The following PRKDC variants were observed in gnomAD, a reference collection of about 807,000 sequenced individuals.
PRKDC encodes the protein DNA-dependent protein kinase catalytic subunit.
PRKDC carries 82 observed loss-of-function variants against 486.9 expected under a neutral mutation model. That is an observed-to-expected ratio of 0.17 (90% CI 0.14 to 0.20). The LOEUF is 0.20. PRKDC is among the 10% of genes least tolerant of loss of function. PRKDC has a pLI of 1.00. For synonymous variants in PRKDC, 1,895 were observed against 1,837.0 expected, an observed-to-expected ratio of 1.03 and a Z score of -0.81; for missense variants, 4,504 against 5,038.2, an observed-to-expected ratio of 0.89 and a Z score of 3.21.
chr8:47,800,525 G>C (rs1034342777), intron 71 of PRKDC, among the ~76,000 whole-genome samples: 2 of 151,926 alleles, frequency 1.3e-5, no homozygotes, highest in East Asian at 3.9e-4. Flanking sequence ...GAGTTAATGG[G>C]TGCAGCACAC....
chr8:47,858,971 T>C lies in PRKDC; in HGVS notation c.6223A>G (p.Thr2075Ala), dbSNP rs1440555358. Residue 2075 changes from threonine (T) to alanine (A), a missense_variant, in exon 47 of 86, where the codon ACG becomes GCG. By Grantham distance (58) the Thr-to-Ala change is moderately conservative. Coordinates refer to ENST00000314191, the MANE Select transcript of PRKDC (RefSeq NM_006904.7). ...RFRRREQRDPTVHDDVLELEM... is the reference protein window; with the variant it reads ...RFRRREQRDPAVHDDVLELEM... ...AGCTCCAGCACATCATCATGCACCG[T>C]GGGGTCCCGCTGCTCCTGCGAAAGG... is the stretch of plus-strand genomic sequence containing the variant. The C allele has an allele frequency of 1.9e-6, 3 of 1,612,976 alleles. No individual in the cohort carries two copies. Among genetic ancestry groups the C allele is most frequent in the African/African-American group, 1.3e-5 (1 of 74,876 alleles).
chr8:47,959,603 C>A (rs893805289), intron 1 of PRKDC, among the ~76,000 whole-genome samples: 2 of 151,710 alleles, frequency 1.3e-5, no homozygotes, highest in African/African-American at 4.8e-5. Context: ...AGCTTGAACC[C>A]GGGAGGCGGA....
rs534406629 is a variant in PRKDC at position 47,941,178 on chromosome 8, T to C, written c.967-1481A>G. On this transcript the variant is annotated intron_variant, in intron 10 of 85. Transcript: ENST00000314191. Reference sequence around the variant, plus strand: ...ACAGCAACAAAAAAAACACATCATATAGATGTCACTGTGAGGAAAATATAT... The same window carrying C: ...ACAGCAACAAAAAAAACACATCATACAGATGTCACTGTGAGGAAAATATAT... Among the ~76,000 whole-genome samples the C allele has an allele frequency of 2.2e-4, 33 of 149,390 alleles. No homozygotes were observed. The South Asian group carries it at 5.1e-3, about 23-fold the overall frequency.
intron 40 of PRKDC, among the ~76,000 whole-genome samples, chr8:47,873,296 G>A (rs1326416553): frequency 6.6e-6 from 1 of 151,466 alleles, no homozygotes; most frequent in Non-Finnish European, 1.5e-5. Flanking sequence ...CAGCACTTTG[G>A]GAGGCCAAAG....
At position 47,774,120 on chromosome 8, in the gene PRKDC, T is replaced by G; in HGVS notation, c.*53A>C. 6.7e-7 allele frequency: 1 copy of G among 1,500,852 alleles called. No individual in the cohort carries two copies. The highest frequency in any genetic ancestry group is 8.9e-7 in the Non-Finnish European group (1 of 1,118,578). The allele number at this position is 1,500,852 out of a possible 1,614,324, so 93.0% of individuals were successfully genotyped here. On this transcript the variant is annotated 3_prime_UTR_variant, in exon 86 of 86. Transcript: ENST00000314191. Reference sequence around the variant, plus strand: ...TCATGGAATGCTGCCAACCAAAGTATAGTAGATTCTTTAAACAATGTAATG... The same window carrying G: ...TCATGGAATGCTGCCAACCAAAGTAGAGTAGATTCTTTAAACAATGTAATG...
At chr8:47,834,040 A>G (rs2087948947) in intron 59 of PRKDC, among the ~76,000 whole-genome samples, 156 bp downstream of exon 59, 2 of 152,236 alleles carry the variant, frequency 1.3e-5, no homozygotes, top group Non-Finnish European at 2.9e-5. Context: ...CAATTTCTTC[A>G]GCATGGTGAG....
Position 47,782,651 on chromosome 8 carries a change from C to CA in PRKDC, c.11176-54dup. On this transcript the variant is annotated intron_variant, in intron 78 of 85. Transcript: ENST00000314191. This position sits in a 1 kb window ranked among gnomAD's most constrained non-coding sequence, Gnocchi z 4.9. ...GCACAGGCTAGCCACGTGTCAAACTCAGAGGGAAAAGCCAGAGTGGCTGTG... is the reference window on the plus strand; with the variant it reads ...GCACAGGCTAGCCACGTGTCAAACTCAAGAGGGAAAAGCCAGAGTGGCTGTG... 8 of 1,531,116 alleles carry CA rather than the reference C, an allele frequency of 5.2e-6. No individual in the cohort carries two copies. Among genetic ancestry groups the CA allele is most frequent in the Non-Finnish European group, 7.1e-6 (8 of 1,134,750 alleles). 94.8% of individuals were successfully genotyped at this position (1,531,116 alleles called of 1,614,324 possible). A position where few individuals can be genotyped will look rare whatever the true frequency, so the allele number is the denominator to read the frequency against.
intron 13 of PRKDC, among the ~76,000 whole-genome samples, 175 bp from the exon 14 acceptor site, chr8:47,935,233 G>C (rs749505727): frequency 1.3e-5 from 2 of 152,162 alleles, no homozygotes; most frequent in Admixed American, 6.5e-5. Context: ...CAGGCGCGGT[G>C]GCTCATGCCT....
chr8:47,788,414 A>T (rs1366564053), intron 76 of PRKDC, among the ~76,000 whole-genome samples: 1 of 151,930 alleles, frequency 6.6e-6, no homozygotes. Context: ...GAAAGATCTC[A>T]CACTTACCAC....
At chr8:47,948,097 T>TGCACAC (rs1554646778) in intron 7 of PRKDC, among the ~76,000 whole-genome samples, 5 of 138,094 alleles carry the variant, frequency 3.6e-5, no homozygotes, top group Non-Finnish European at 6.1e-5. Context: ...AAAATATATT[T>TGCACAC]GCACACACAC....
chr8:47,914,096 CT>C (rs763574334), intron 23 of PRKDC, 32 bp from the exon 24 acceptor site: 7 of 1,397,120 alleles, frequency 5.0e-6, no homozygotes, highest in South Asian at 2.0e-5. Flanking sequence ...GAATGAAACA[CT>C]TTTTTTCTTT....
At chr8:47,856,785 CAAA>C (rs2088551310) in intron 49 of PRKDC, among the ~76,000 whole-genome samples, 1 of 152,176 alleles carries the variant, frequency 6.6e-6, no homozygotes, top group South Asian at 2.1e-4. Context: ...GCACAAATGC[CAAA>C]ATCCAGGGAC....
At chr8:47,880,868 C>T (rs1000547049) in intron 38 of PRKDC, among the ~76,000 whole-genome samples, 3 of 151,442 alleles carry the variant, frequency 2.0e-5, no homozygotes, top group African/African-American at 7.3e-5. Flanking sequence ...AGCCTGGCCA[C>T]TATGGTGAAA....
At chr8:47,908,635 G>A (rs1205482686) in intron 25 of PRKDC, among the ~76,000 whole-genome samples, 2 of 152,152 alleles carry the variant, frequency 1.3e-5, no homozygotes, top group Non-Finnish European at 2.9e-5. Flanking sequence ...CACATGTCAA[G>A]ATGTGTTATT....
chr8:47,833,181 T>C (rs2154499546), intron 59 of PRKDC, among the ~76,000 whole-genome samples: 1 of 152,290 alleles, frequency 6.6e-6, no homozygotes, highest in South Asian at 2.1e-4. Context: ...CAGGTTCCAT[T>C]TAGAGAACTG....
intron 40 of PRKDC, among the ~76,000 whole-genome samples, chr8:47,869,655 G>T (rs981802697): frequency 2.0e-5 from 3 of 151,938 alleles, no homozygotes; most frequent in African/African-American, 7.2e-5. Context: ...TAAGAGTAAA[G>T]GAGACTTGCA....
chr8:47,946,582 A>G (rs1042628295), intron 7 of PRKDC, among the ~76,000 whole-genome samples: 1 of 151,982 alleles, frequency 6.6e-6, no homozygotes, highest in Non-Finnish European at 1.5e-5. Context: ...CACTCTCTTG[A>G]GACCCTCCGC....
At chr8:47,791,168 C>A (rs2086875993) in intron 74 of PRKDC, among the ~76,000 whole-genome samples, 1 of 152,128 alleles carries the variant, frequency 6.6e-6, no homozygotes, top group Non-Finnish European at 1.5e-5. Flanking sequence ...AACTACCCAT[C>A]TGACAAGGAA....
intron 69 of PRKDC, among the ~76,000 whole-genome samples, chr8:47,806,213 C>T (rs1285227805): frequency 6.6e-6 from 1 of 152,170 alleles, no homozygotes; most frequent in Non-Finnish European, 1.5e-5. Context: ...TGTGTGCAGC[C>T]CCCACTCTTA....
Sources: gnomAD v4.1 joint callset for allele counts (sites outside exome capture counted in the v4.1 genomes callset) on GRCh38, gnomAD v4.1.1 for gene constraint, Gnocchi (gnomAD v3.1) non-coding constraint, MANE v1.5 for transcripts, NCBI Gene and HGNC (gene_info 2026-07-23, HGNC 2026-07-21) for gene names.